The following SOX6 variants were observed in gnomAD, a reference collection of about 807,000 sequenced individuals.
The protein encoded by SOX6 is transcription factor SOX-6.
In SOX6, 11 loss-of-function variants were observed where a neutral mutation model predicts 97.8. The observed-to-expected ratio is 0.11, with a 90% confidence interval of 0.07 to 0.19. The LOEUF is 0.19. Among genes scored for constraint, SOX6 ranks in the 10% least tolerant of loss-of-function variants. The probability of loss-of-function intolerance (pLI) is 1.00; values close to 1 mark genes in which losing one functional copy is unlikely to be tolerated. For synonymous variants in SOX6, 360 were observed against 371.4 expected (o/e 0.97, Z 0.35); for missense variants, 810 against 1,039.5 (o/e 0.78, Z 3.04).
At chr11:16,675,979 C>G (rs987111738) in intron 3 of SOX6, among the ~76,000 whole-genome samples, 8 of 152,116 alleles carry the variant, frequency 5.3e-5, no homozygotes, top group African/African-American at 1.9e-4. Context: ...TGTCAAATTT[C>G]GAAAGTTTTA....
chr11:16,018,661 A>G (rs1335618917), intron 12 of SOX6, among the ~76,000 whole-genome samples: 1 of 152,168 alleles, frequency 6.6e-6, no homozygotes, highest in Admixed American at 6.5e-5. Context: ...GTGTGCTAAC[A>G]GTAAAATTGC....
intron 4 of SOX6, among the ~76,000 whole-genome samples, chr11:16,189,323 C>A (rs1229446330): frequency 6.6e-6 from 1 of 151,994 alleles, no homozygotes; most frequent in African/African-American, 2.4e-5. Flanking sequence ...GACAAGGAAA[C>A]TACAACTGAA....
chr11:16,208,094 GAAGT>G (rs1202059473), intron 4 of SOX6, among the ~76,000 whole-genome samples: 2 of 152,294 alleles, frequency 1.3e-5, no homozygotes, highest in African/African-American at 4.8e-5. Flanking sequence ...GATAGAATTT[GAAGT>G]AAGAAGATAT....
At chr11:16,080,007 A>G (rs994185479) in intron 9 of SOX6, among the ~76,000 whole-genome samples, 5 of 148,786 alleles carry the variant, frequency 3.4e-5, no homozygotes, top group African/African-American at 1.3e-4. Context: ...CCACCTTGAA[A>G]AATTCCTATA....
intron 9 of SOX6, among the ~76,000 whole-genome samples, chr11:16,081,496 A>G (rs988583986): frequency 2.0e-5 from 3 of 152,168 alleles, no homozygotes; most frequent in Non-Finnish European, 4.4e-5. Context: ...TGTGCCTGCC[A>G]TAACACCCCT....
chr11:16,245,230 T>C (rs1208069192), intron 3 of SOX6, among the ~76,000 whole-genome samples: 3 of 151,744 alleles, frequency 2.0e-5, no homozygotes, highest in Non-Finnish European at 3.0e-5. Context: ...AATTGCCAAA[T>C]AATTTGAATT....
chr11:16,448,409 C>A (rs916686989), intron 1 of SOX6, among the ~76,000 whole-genome samples: 2 of 152,110 alleles, frequency 1.3e-5, no homozygotes, highest in African/African-American at 4.8e-5. Flanking sequence ...TCACTACTCT[C>A]ATTTTTTTTT....
chr11:16,532,354 ACTGGCTTAT>A, intron 4 of SOX6, among the ~76,000 whole-genome samples: 1 of 151,882 alleles, frequency 6.6e-6, no homozygotes, highest in East Asian at 1.9e-4. Context: ...AAGCTAGCTA[ACTGGCTTAT>A]AGTCCTATGA....
At chr11:16,514,255 C>T (rs1313052608) in intron 4 of SOX6, among the ~76,000 whole-genome samples, 1 of 150,388 alleles carries the variant, frequency 6.6e-6, no homozygotes, top group Non-Finnish European at 1.5e-5. Context: ...AATAATACCA[C>T]CATGTACATA....
At chr11:16,561,894 A>AG (rs1847819357) in intron 4 of SOX6, among the ~76,000 whole-genome samples, 1 of 121,620 alleles carries the variant, frequency 8.2e-6, no homozygotes, top group Admixed American at 9.6e-5. Context: ...ACACCTGGCT[A>AG]ATTTTTTTTT....
intron 15 of SOX6, among the ~76,000 whole-genome samples, chr11:15,985,111 C>A (rs986787564): frequency 6.6e-6 from 1 of 152,288 alleles, no homozygotes; most frequent in African/African-American, 2.4e-5. Context: ...AGATTCATGA[C>A]CCAGACTACG....
intron 1 of SOX6, among the ~76,000 whole-genome samples, chr11:16,468,394 A>C (rs2133113202): frequency 6.6e-6 from 1 of 152,294 alleles, no homozygotes; most frequent in South Asian, 2.1e-4. Context: ...ATAATGTGTA[A>C]GTTGTTTTGC....
chr11:16,503,570 G>A (rs1055400083), intron 4 of SOX6, among the ~76,000 whole-genome samples: 3 of 152,040 alleles, frequency 2.0e-5, no homozygotes, highest in Non-Finnish European at 2.9e-5. Flanking sequence ...TGAAGACACA[G>A]AGCGACTGAA....
intron 6 of SOX6, among the ~76,000 whole-genome samples, chr11:16,142,572 C>T (rs1483479835): frequency 6.6e-6 from 1 of 152,040 alleles, no homozygotes; most frequent in Non-Finnish European, 1.5e-5. Flanking sequence ...GGAGGAAATT[C>T]GAACCCATCA....
At chr11:16,234,541 A>AC (rs751237483) in intron 4 of SOX6, 41 bp downstream of exon 4, 1 of 1,143,658 alleles carries the variant, frequency 8.7e-7, no homozygotes, top group South Asian at 1.3e-5. Flanking sequence ...AAATAACATC[A>AC]CATCACTGCA....
At chr11:16,520,816 A>G (rs1861046694) in intron 4 of SOX6, among the ~76,000 whole-genome samples, 1 of 152,232 alleles carries the variant, frequency 6.6e-6, no homozygotes, top group African/African-American at 2.4e-5. Context: ...ACGGCACACC[A>G]GGAGATTATA....
chr11:16,170,100 G>A (rs1039667279), intron 6 of SOX6, among the ~76,000 whole-genome samples: 3 of 151,964 alleles, frequency 2.0e-5, no homozygotes, highest in African/African-American at 7.2e-5. Flanking sequence ...GTTGGGCTTC[G>A]AAATTGTTCA....
chr11:16,239,155 A>G (rs1020550866), intron 3 of SOX6, among the ~76,000 whole-genome samples: 13 of 152,136 alleles, frequency 8.5e-5, no homozygotes, highest in African/African-American at 2.9e-4. Flanking sequence ...ATAAAATTGG[A>G]ACTTGGAGAG....
chr11:16,007,578 C>G (rs1854593539), intron 13 of SOX6, among the ~76,000 whole-genome samples: 1 of 152,058 alleles, frequency 6.6e-6, no homozygotes. Context: ...GGTCTCAATT[C>G]CAATCCTGAC....
Sources: allele counts gnomAD v4.1 joint callset (sites outside exome capture counted in the v4.1 genomes callset), GRCh38; gene constraint gnomAD v4.1.1; transcripts MANE v1.5; gene names NCBI Gene and HGNC (gene_info 2026-07-23, HGNC 2026-07-21).